The following CDC37L1 variants were observed in gnomAD, a reference collection of about 807,000 sequenced individuals.
The protein encoded by CDC37L1 is cell division cycle 37 like 1, HSP90 cochaperone.
Under a neutral mutation model 45.9 loss-of-function variants are expected in CDC37L1, and 32 were observed. The observed-to-expected ratio is 0.70, with a 90% CI of 0.53 to 0.94. CDC37L1 has a LOEUF of 0.94. Among genes scored for constraint, CDC37L1 ranks in the 40% least tolerant of loss-of-function variants. CDC37L1 has a pLI of 0.00. For missense variants in CDC37L1, 434 were observed against 405.7 expected, an observed-to-expected ratio of 1.07 and a Z score of -0.60; for synonymous variants, 150 against 133.0, an observed-to-expected ratio of 1.13 and a Z score of -0.88.
chr9:4,699,720 C>G (rs1000001837), intron 5 of CDC37L1, among the ~76,000 whole-genome samples: 8 of 151,936 alleles, frequency 5.3e-5, no homozygotes, highest in Admixed American at 3.9e-4. Context: ...AGGGGGAATG[C>G]TCTTGGGAAC....
In CDC37L1 at chr9:4,707,324, T is replaced by C. The variant is rs968828581; in HGVS notation, c.*1212T>C. 6.7e-6 allele frequency: 1 copy of C among 149,628 alleles called. No homozygotes were observed. The highest frequency in any genetic ancestry group is 2.5e-5 in the African/African-American group (1 of 39,846). 9.3% of individuals were successfully genotyped at this position (149,628 alleles called of 1,614,324 possible). A position where few individuals can be genotyped will look rare whatever the true frequency, so the allele number is the denominator to read the frequency against. ...CCTTATTATTGAAGGATTAATCTTATGACTTAACATAAGCTTTGGTTATAT... is the reference window on the plus strand; with the variant it reads ...CCTTATTATTGAAGGATTAATCTTACGACTTAACATAAGCTTTGGTTATAT... On this transcript the variant is annotated 3_prime_UTR_variant, in exon 7 of 7. Transcript: ENST00000381854.
At position 4,688,022 on chromosome 9, in the gene CDC37L1, G is replaced by C. The variant is rs78172039; in HGVS notation, c.415-491G>C. 5.3e-3 allele frequency among the ~76,000 whole-genome samples: 806 copies of C among 152,242 alleles called. 4 individuals are homozygous for C. The highest frequency in any genetic ancestry group is 0.019 in the African/African-American group (774 of 41,540). ...ATCGTATGTATTTTTTTGTGAGATG[G>C]AGTCTTGTTCTGTCGCCTGGGCTGG... On this transcript the variant is annotated intron_variant, in intron 2 of 6. Coordinates refer to ENST00000381854, the MANE Select transcript of CDC37L1 (RefSeq NM_017913.4).
At chr9:4,696,255 T>A (rs1426118853) in intron 3 of CDC37L1, among the ~76,000 whole-genome samples, 1 of 152,254 alleles carries the variant, frequency 6.6e-6, no homozygotes, top group Non-Finnish European at 1.5e-5. Flanking sequence ...AAAAGTTTAC[T>A]GCTAAACTCT....
intron 3 of CDC37L1, among the ~76,000 whole-genome samples, chr9:4,692,529 CA>C (rs1480265141): frequency 6.6e-6 from 1 of 152,144 alleles, no homozygotes. Flanking sequence ...CTCGGCCTCT[CA>C]AAGTGCTGGG....
intron 2 of CDC37L1, among the ~76,000 whole-genome samples, chr9:4,686,930 C>A (rs1841252746): frequency 6.6e-6 from 1 of 152,186 alleles, no homozygotes; most frequent in East Asian, 1.9e-4. Context: ...GTATTGCTTA[C>A]ATGTTGAAAT....
intron 1 of CDC37L1, among the ~76,000 whole-genome samples, chr9:4,681,152 T>C (rs553954134): frequency 5.0e-4 from 76 of 152,274 alleles, no homozygotes; most frequent in African/African-American, 1.7e-3. Context: ...GCAGATGCCA[T>C]TGTCAATTTT....
In CDC37L1 at chr9:4,683,744, A is replaced by T. The variant is rs575137525; in HGVS notation, c.133-1133A>T. 1.4e-4 allele frequency among the ~76,000 whole-genome samples: 22 copies of T among 152,308 alleles called. 1 individual carries two copies. In the East Asian group the frequency reaches 4.0e-3, roughly 28 times the overall value. ...TGCATTTGTATAATTCACATGTGAA[A>T]TTATAAGGGCTTGAATAGTGATGCA... is the stretch of plus-strand genomic sequence containing the variant. On this transcript the variant is annotated intron_variant, in intron 1 of 6. Coordinates refer to ENST00000381854, the MANE Select transcript of CDC37L1 (RefSeq NM_017913.4).
intron 5 of CDC37L1, 91 bp from the exon 6 acceptor site, chr9:4,701,773 C>T: frequency 1.2e-6 from 1 of 844,640 alleles, no homozygotes; most frequent in East Asian, 2.7e-5. Flanking sequence ...ATTACTTCCT[C>T]CACTTCAAAC....
At position 4,701,949 on chromosome 9, in the gene CDC37L1, G is replaced by C. The variant is rs758922219; in HGVS notation, c.833G>C (p.Ser278Thr). The C allele has an allele frequency of 1.6e-5, 26 of 1,592,240 alleles. No homozygotes were observed. The East Asian group carries it at 5.6e-4, about 35-fold the overall frequency. The change falls in exon 6 of 7, where the codon AGT (serine) becomes ACT (threonine). Residue 278 changes from serine (S) to threonine (T), a missense_variant. Ser to Thr is a moderately conservative substitution (Grantham distance 58). Coordinates refer to ENST00000381854, the MANE Select transcript of CDC37L1 (RefSeq NM_017913.4). ...SRVRLYSQSQSFQPMTVQNHV... is the reference protein window; with the variant it reads ...SRVRLYSQSQTFQPMTVQNHV... ...GTAAGACTTTATTCTCAATCACAAA[G>C]TTTTCAACCTATGACAGTTCAGAAT...
intron 5 of CDC37L1, among the ~76,000 whole-genome samples, chr9:4,699,350 T>A (rs1227088136): frequency 6.6e-6 from 1 of 152,216 alleles, no homozygotes; most frequent in Non-Finnish European, 1.5e-5. Context: ...CACTGGTAAG[T>A]ATAATGCAAA....
At chr9:4,697,025 G>C (rs1841353948) in intron 3 of CDC37L1, 71 bp from the exon 4 acceptor site, 5 of 701,526 alleles carry the variant, frequency 7.1e-6, no homozygotes, top group Non-Finnish European at 1.0e-5. Context: ...AATTAAGAAT[G>C]GTTGGTATTT....
intron 3 of CDC37L1, among the ~76,000 whole-genome samples, chr9:4,694,231 C>T (rs568010779): frequency 4.6e-5 from 7 of 152,272 alleles, no homozygotes; most frequent in East Asian, 1.9e-4. Context: ...AAGTGTACTC[C>T]GCCATGCCTG....
intron 2 of CDC37L1, among the ~76,000 whole-genome samples, chr9:4,686,776 A>C (rs1841251339): frequency 6.6e-6 from 1 of 152,182 alleles, no homozygotes; most frequent in Admixed American, 6.5e-5. Flanking sequence ...GATCTGCACT[A>C]TCCAACTTGA....
intron 3 of CDC37L1, among the ~76,000 whole-genome samples, chr9:4,689,115 A>T (rs1486528288): frequency 6.6e-6 from 1 of 152,176 alleles, no homozygotes; most frequent in Non-Finnish European, 1.5e-5. Flanking sequence ...GGGGGTTGAT[A>T]CAAGTGAAGG....
chr9:4,679,634 A>G lies in CDC37L1; in HGVS notation c.-134A>G, dbSNP rs2130838615. 1 of 756,410 alleles carries G rather than the reference A, an allele frequency of 1.3e-6. No homozygotes were observed. The highest frequency in any genetic ancestry group is 2.0e-6 in the Non-Finnish European group (1 of 489,686). 46.9% of individuals were successfully genotyped at this position (756,410 alleles called of 1,614,324 possible). ...GGTGTGCAGCGGCGTCGCGGCCAGT[A>G]GAGGGATTCTGGGTAACGGCCCGGA... On this transcript the variant is annotated 5_prime_UTR_variant, in exon 1 of 7. Coordinates refer to ENST00000381854, the MANE Select transcript of CDC37L1 (RefSeq NM_017913.4).
At chr9:4,698,786 A>G (rs996545776) in intron 5 of CDC37L1, among the ~76,000 whole-genome samples, 8 of 152,120 alleles carry the variant, frequency 5.3e-5, no homozygotes, top group Admixed American at 3.3e-4. Flanking sequence ...GTTATTTTTA[A>G]TTTTCATTTT....
intron 3 of CDC37L1, among the ~76,000 whole-genome samples, chr9:4,691,348 C>T (rs762728956): frequency 3.9e-5 from 6 of 152,152 alleles, no homozygotes; most frequent in Non-Finnish European, 8.8e-5. Context: ...CGGTAAACTC[C>T]AGTGTGTGTT....
intron 3 of CDC37L1, among the ~76,000 whole-genome samples, chr9:4,692,436 A>G (rs891511127): frequency 6.6e-6 from 1 of 151,674 alleles, no homozygotes; most frequent in Admixed American, 6.6e-5. Context: ...CGCCTGGCTA[A>G]TTTTTGTATT....
Position 4,697,792 on chromosome 9 carries a change from T to C in CDC37L1, c.660T>C (p.Ala220=). 6.4e-7 allele frequency: 1 copy of C among 1,563,066 alleles called. No homozygotes were observed. Among genetic ancestry groups the C allele is most frequent in the Middle Eastern group, 1.7e-4 (1 of 5,948 alleles). ...GALMEQIAHQ[A]VVMQFIMEMA... ...TAATGGAACAAATAGCACATCAAGC[T>C]GTTGTAATGCAGTTTATTATGGAAA... Residue 220 remains alanine, a synonymous_variant, in exon 5 of 7, where the codon GCT becomes GCC. Coordinates refer to ENST00000381854, the MANE Select transcript of CDC37L1 (RefSeq NM_017913.4).
Sources: allele counts gnomAD v4.1 joint callset (sites outside exome capture counted in the v4.1 genomes callset), GRCh38; gene constraint gnomAD v4.1.1; transcripts MANE v1.5; gene names NCBI Gene and HGNC (gene_info 2026-07-23, HGNC 2026-07-21).